Variants in LINGO2 observed in about 807,000 individuals in gnomAD.
LINGO2 encodes the protein leucine rich repeat and Ig domain containing 2.
LINGO2 carries 14 observed loss-of-function variants against 30.6 expected under a neutral mutation model. The observed-to-expected ratio is 0.46, with a 90% CI of 0.30 to 0.72. LINGO2 has a LOEUF of 0.72. LINGO2 is among the 30% of genes least tolerant of loss of function. The pLI, the probability that LINGO2 is intolerant of heterozygous loss-of-function variation, is 0.07. For synonymous variants in LINGO2, 317 were observed against 288.5 expected (o/e 1.10, Z -1.00); for missense variants, 729 against 751.7 (o/e 0.97, Z 0.35).
chr9:28,561,906 A>G lies in LINGO2; in HGVS notation c.-364-85881T>C, dbSNP rs184432268. Among the ~76,000 whole-genome samples the G allele has an allele frequency of 3.4e-3, 511 of 151,374 alleles. 13 individuals carry two copies. Among genetic ancestry groups the G allele is most frequent in the Admixed American group, 0.028 (431 of 15,188 alleles). ...CTGCACACAGATCTGTGGTGTACCAATATGCACTTAATGAGCACTCCAGCT... is the reference window on the plus strand; with the variant it reads ...CTGCACACAGATCTGTGGTGTACCAGTATGCACTTAATGAGCACTCCAGCT... On this transcript the variant is annotated intron_variant, in intron 1 of 5. Transcript: ENST00000379992.
chr9:28,404,817 C>T (rs74544964), intron 2 of LINGO2, among the ~76,000 whole-genome samples: 9 of 151,984 alleles, frequency 5.9e-5, no homozygotes, highest in African/African-American at 1.9e-4. Flanking sequence ...AAGTGAGCTG[C>T]AGTGACTTTT....
At chr9:28,981,901 G>GA in the LINGO2 span, among the ~76,000 whole-genome samples, 3,434 of 152,124 alleles carry the variant, frequency 0.023, 139 homozygotes, top group African/African-American at 0.079. Flanking sequence ...AAGAAAATTG[G>GA]AATGAAATTT....
intron 1 of LINGO2, among the ~76,000 whole-genome samples, chr9:28,589,837 T>A (rs1824777132): frequency 6.6e-6 from 1 of 152,094 alleles, no homozygotes; most frequent in Non-Finnish European, 1.5e-5. Flanking sequence ...AGAGCCCGCA[T>A]TGCCAAGACA....
At chr9:28,732,207 C>T in the LINGO2 span, among the ~76,000 whole-genome samples, 1 of 151,976 alleles carries the variant, frequency 6.6e-6, no homozygotes, top group Non-Finnish European at 1.5e-5. Flanking sequence ...ATACCTCAGC[C>T]CTCACTGATC....
At chr9:28,614,439 T>C (rs1826048648) in intron 1 of LINGO2, among the ~76,000 whole-genome samples, 1 of 152,116 alleles carries the variant, frequency 6.6e-6, no homozygotes, top group South Asian at 2.1e-4. Flanking sequence ...AGAAAGAACA[T>C]AAACAAAGTG....
At chr9:28,290,642 T>C (rs527371768) in intron 4 of LINGO2, among the ~76,000 whole-genome samples, 3 of 152,252 alleles carry the variant, frequency 2.0e-5, no homozygotes, top group Admixed American at 2.0e-4. Context: ...AATGTAACAA[T>C]GTGTGAGAAA....
At chr9:28,009,850 C>T (rs1822466809) in intron 5 of LINGO2, among the ~76,000 whole-genome samples, 1 of 152,122 alleles carries the variant, frequency 6.6e-6, no homozygotes, top group African/African-American at 2.4e-5. Flanking sequence ...ACCACATAAC[C>T]CAGCACTTCT....
At chr9:28,792,765 G>A in the LINGO2 span, among the ~76,000 whole-genome samples, 1 of 152,090 alleles carries the variant, frequency 6.6e-6, no homozygotes, top group Non-Finnish European at 1.5e-5. Context: ...CATACCTAGA[G>A]TGCTTATGAA....
At chr9:29,136,762 G>T in the LINGO2 span, among the ~76,000 whole-genome samples, 1 of 151,932 alleles carries the variant, frequency 6.6e-6, no homozygotes, top group Non-Finnish European at 1.5e-5. Context: ...CCATAACCAC[G>T]GCTTCAAATG....
the LINGO2 span, among the ~76,000 whole-genome samples, chr9:28,699,233 C>T: frequency 1.3e-5 from 2 of 151,916 alleles, no homozygotes; most frequent in Non-Finnish European, 2.9e-5. Context: ...ATTATAATAT[C>T]ATATGGACTG....
chr9:28,617,719 A>G (rs976716369), intron 1 of LINGO2, among the ~76,000 whole-genome samples: 2 of 151,684 alleles, frequency 1.3e-5, no homozygotes, highest in African/African-American at 4.9e-5. Context: ...CCCTGTTTTC[A>G]TCTTTACTTT....
At chr9:28,777,558 A>G in the LINGO2 span, among the ~76,000 whole-genome samples, 1 of 152,208 alleles carries the variant, frequency 6.6e-6, no homozygotes, top group Non-Finnish European at 1.5e-5. Context: ...GTTTATACAA[A>G]TTCTCCAGAA....
chr9:28,215,878 A>G (rs1820750116), intron 4 of LINGO2, among the ~76,000 whole-genome samples: 1 of 151,936 alleles, frequency 6.6e-6, no homozygotes, highest in Non-Finnish European at 1.5e-5. Context: ...ACCTGCAGCA[A>G]AAAAAGGCTT....
chr9:28,916,506 A>G, the LINGO2 span, among the ~76,000 whole-genome samples: 1 of 152,250 alleles, frequency 6.6e-6, no homozygotes, highest in African/African-American at 2.4e-5. Flanking sequence ...CCCTCCTTCT[A>G]TTGACTCTAG....
At chr9:28,459,347 C>T (rs561360347) in intron 2 of LINGO2, among the ~76,000 whole-genome samples, 96 of 151,672 alleles carry the variant, frequency 6.3e-4, no homozygotes, top group African/African-American at 2.2e-3. Flanking sequence ...TAATTACATA[C>T]TCATTTTAAA....
the LINGO2 span, among the ~76,000 whole-genome samples, chr9:28,897,081 A>G: frequency 3.3e-5 from 5 of 152,168 alleles, no homozygotes; most frequent in Non-Finnish European, 5.9e-5. Flanking sequence ...AAAGAGTGAG[A>G]GACTAGTATT....
At chr9:29,156,039 C>T in the LINGO2 span, among the ~76,000 whole-genome samples, 5 of 152,060 alleles carry the variant, frequency 3.3e-5, no homozygotes, top group Non-Finnish European at 7.4e-5. Context: ...AAAAATTATA[C>T]AGGGAATACT....
chr9:29,169,434 G>GA, the LINGO2 span, among the ~76,000 whole-genome samples: 28 of 149,134 alleles, frequency 1.9e-4, 1 homozygote, highest in South Asian at 1.5e-3. Flanking sequence ...AACTCAACAA[G>GA]AAAAAAAAAT....
intron 5 of LINGO2, among the ~76,000 whole-genome samples, chr9:27,957,613 G>A (rs1203702258): frequency 6.6e-6 from 1 of 152,110 alleles, no homozygotes; most frequent in South Asian, 2.1e-4. Context: ...TTTATCATCA[G>A]TTTAATTCTT....
Sources: gnomAD v4.1 joint callset for allele counts (sites outside exome capture counted in the v4.1 genomes callset) on GRCh38, gnomAD v4.1.1 for gene constraint, MANE v1.5 for transcripts, NCBI Gene and HGNC (gene_info 2026-07-23, HGNC 2026-07-21) for gene names.